The following XIRP2 variants were observed in gnomAD, a reference collection of about 807,000 sequenced individuals.
The protein encoded by XIRP2 is xin actin binding repeat containing 2.
A neutral mutation model predicts 277.0 loss-of-function variants in XIRP2; 236 were observed. The ratio of observed to expected loss-of-function variants is 0.85; its 90% confidence interval spans 0.77 to 0.95. The LOEUF (loss-of-function observed/expected upper bound fraction) is 0.95. XIRP2 is among the 40% of genes least tolerant of loss of function. The pLI is 0.00. For missense variants in XIRP2, 4,640 were observed against 4,157.5 expected (o/e 1.12, Z -3.19); for synonymous variants, 1,490 against 1,416.5 (o/e 1.05, Z -1.17).
intron 2 of XIRP2, among the ~76,000 whole-genome samples, chr2:166,942,493 C>A (rs560770157): frequency 6.6e-6 from 1 of 152,306 alleles, no homozygotes; most frequent in Non-Finnish European, 1.5e-5. Flanking sequence ...TCCAAGCACA[C>A]AAGTGTTAGT....
intron 2 of XIRP2, among the ~76,000 whole-genome samples, chr2:167,078,559 G>A (rs543503751): frequency 7.9e-5 from 12 of 152,212 alleles, no homozygotes; most frequent in East Asian, 5.8e-4. Context: ...AAAACTGGCC[G>A]GGAGTGGTGG....
At chr2:167,081,483 T>A (rs538463912) in intron 2 of XIRP2, among the ~76,000 whole-genome samples, 1 of 152,244 alleles carries the variant, frequency 6.6e-6, no homozygotes, top group South Asian at 2.1e-4. Context: ...TTTTTTAAGA[T>A]GAAAAATAGA....
intron 2 of XIRP2, among the ~76,000 whole-genome samples, chr2:166,941,847 T>G (rs1051765184): frequency 2.6e-5 from 4 of 152,216 alleles, no homozygotes; most frequent in African/African-American, 9.6e-5. Context: ...CAGAGAATTC[T>G]GACAAATATT....
intron 2 of XIRP2, among the ~76,000 whole-genome samples, chr2:167,087,486 G>C (rs557733224): frequency 0.014 from 2,110 of 152,266 alleles, 36 homozygotes; most frequent in African/African-American, 0.044. Flanking sequence ...CGAGCTTCCC[G>C]GCTGCTTTGT....
In XIRP2 at chr2:167,249,665, C is replaced by T. The variant is rs771239069; in HGVS notation, c.8273C>T (p.Thr2758Ile). The T allele has an allele frequency of 1.2e-6, 2 of 1,613,422 alleles. No homozygotes were observed. Among genetic ancestry groups the T allele is most frequent in the South Asian group, 2.2e-5 (2 of 91,074 alleles). ...YLKTKKTEAS[T>I]ECSHKQSLAE... Reference sequence around the variant, plus strand: ...AAAACCAAGAAAACTGAAGCAAGCACTGAATGTAGTCATAAGCAATCTCTG... The same window carrying T: ...AAAACCAAGAAAACTGAAGCAAGCATTGAATGTAGTCATAAGCAATCTCTG... The change falls in exon 9 of 11, where the codon ACT becomes ATT. Residue 2758 changes from threonine (T) to isoleucine (I), a missense_variant. Coordinates refer to ENST00000409195, the MANE Select transcript of XIRP2 (RefSeq NM_152381.6).
In XIRP2 at chr2:167,249,252, A is replaced by G. The variant is rs1695389264; in HGVS notation, c.7860A>G (p.Ile2620Met). ...PSPGSQSNAR[I>M]LGVCSDNQLS... ...CAGGCTCTCAAAGTAATGCTCGGATACTAGGAGTGTGTTCTGATAACCAAC... is the reference window on the plus strand; with the variant it reads ...CAGGCTCTCAAAGTAATGCTCGGATGCTAGGAGTGTGTTCTGATAACCAAC... Residue 2620 changes from isoleucine to methionine, a missense_variant, in exon 9 of 11, where the codon ATA becomes ATG. By Grantham distance (10) the Ile-to-Met change is conservative. Coordinates refer to ENST00000409195, the MANE Select transcript of XIRP2 (RefSeq NM_152381.6). 3.7e-6 allele frequency: 6 copies of G among 1,613,828 alleles called. No homozygotes were observed. The African/African-American group carries it at 4.0e-5, about 11-fold the overall frequency.
intron 2 of XIRP2, among the ~76,000 whole-genome samples, chr2:166,955,784 T>G (rs192954896): frequency 6.6e-6 from 1 of 151,860 alleles, no homozygotes. Context: ...TGCATTCATT[T>G]AATGTGAAGT....
At chr2:167,146,572 A>G (rs188449248) in intron 3 of XIRP2, among the ~76,000 whole-genome samples, 61 of 152,210 alleles carry the variant, frequency 4.0e-4, no homozygotes, top group Non-Finnish European at 3.7e-4. Context: ...TAATAAATTT[A>G]TGCAAATATG....
At chr2:167,077,597 G>T (rs1217027406) in intron 2 of XIRP2, among the ~76,000 whole-genome samples, 2 of 152,184 alleles carry the variant, frequency 1.3e-5, no homozygotes, top group African/African-American at 4.8e-5. Flanking sequence ...CATAACCCAG[G>T]AAGGTCACTG....
intron 3 of XIRP2, among the ~76,000 whole-genome samples, chr2:167,189,092 C>A (rs1197862994): frequency 1.3e-5 from 2 of 152,172 alleles, no homozygotes; most frequent in African/African-American, 2.4e-5. Context: ...TCAGTTCCAG[C>A]CTCTCCCTTT....
chr2:167,241,943 A>T, intron 8 of XIRP2, 33 bp downstream of exon 8: 1 of 1,572,590 alleles, frequency 6.4e-7, no homozygotes, highest in Non-Finnish European at 8.6e-7. Flanking sequence ...AAACATACTA[A>T]GTGTAAGACC....
At chr2:167,208,453 G>A (rs533429962) in intron 3 of XIRP2, among the ~76,000 whole-genome samples, 5 of 152,158 alleles carry the variant, frequency 3.3e-5, no homozygotes, top group East Asian at 3.9e-4. Flanking sequence ...GACTACAGGC[G>A]CCCGCCACCA....
At chr2:167,188,778 A>G (rs550103775) in intron 3 of XIRP2, among the ~76,000 whole-genome samples, 1 of 152,364 alleles carries the variant, frequency 6.6e-6, no homozygotes, top group East Asian at 1.9e-4. Flanking sequence ...CAAAGTGCCA[A>G]CTGTTTGGGA....
At chr2:167,141,823 T>G (rs1691725568) in intron 3 of XIRP2, among the ~76,000 whole-genome samples, 1 of 152,112 alleles carries the variant, frequency 6.6e-6, no homozygotes, top group South Asian at 2.1e-4. Flanking sequence ...ATCATGCCAC[T>G]GCACTCCAGC....
At position 167,251,799 on chromosome 2, in the gene XIRP2, C is replaced by A; in HGVS notation, c.10407C>A (p.Ile3469=). 1 of 1,613,322 alleles carries A rather than the reference C, an allele frequency of 6.2e-7. No homozygotes were observed. The highest frequency in any genetic ancestry group is 8.5e-7 in the Non-Finnish European group (1 of 1,179,552). Residue 3469 remains isoleucine, a synonymous_variant, in exon 9 of 11, where the codon ATC becomes ATA. Transcript: ENST00000409195. ...TCATTGCTGGACATATTTTAGATAT[C>A]TCTGATTCACCTAAAGAAGTAAGAA... is the stretch of plus-strand genomic sequence containing the variant. ...EDVIAGHILD[I]SDSPKEVRKN... is the part of the protein sequence containing the mutation.
At chr2:167,201,218 GAAAGAAAGAAA>G (rs1559018163) in intron 3 of XIRP2, among the ~76,000 whole-genome samples, 3 of 101,692 alleles carry the variant, frequency 3.0e-5, no homozygotes, top group Non-Finnish European at 5.4e-5. Flanking sequence ...AAGAAAGAAA[GAAAGAAAGAAA>G]GAAAGAAAGA....
intron 3 of XIRP2, among the ~76,000 whole-genome samples, chr2:167,146,831 C>T (rs1017677867): frequency 6.6e-6 from 1 of 151,698 alleles, no homozygotes; most frequent in Non-Finnish European, 1.5e-5. Flanking sequence ...AGTGAAAGTA[C>T]GTAATACGAC....
Position 167,135,890 on chromosome 2 carries a change from C to G in XIRP2, c.409-19C>G. The stretch of plus-strand genomic sequence containing the variant: ...TACTGATAGCTTTTAACATACAACC[C>G]TTTAATGTCTTGTAACAGGAAGTGG... On this transcript the variant is annotated intron_variant, in intron 2 of 10. Transcript: ENST00000409195. 6.3e-7 allele frequency: 1 copy of G among 1,581,808 alleles called. No individual in the cohort carries two copies. The highest frequency in any genetic ancestry group is 8.6e-7 in the Non-Finnish European group (1 of 1,165,234).
At chr2:167,159,710 A>G (rs982445112) in intron 3 of XIRP2, among the ~76,000 whole-genome samples, 11 of 152,182 alleles carry the variant, frequency 7.2e-5, no homozygotes, top group Non-Finnish European at 1.6e-4. Context: ...ACTTACTCAT[A>G]TATTACACCA....
Sources: gnomAD v4.1 joint callset for allele counts (sites outside exome capture counted in the v4.1 genomes callset) on GRCh38, gnomAD v4.1.1 for gene constraint, MANE v1.5 for transcripts, NCBI Gene and HGNC (gene_info 2026-07-23, HGNC 2026-07-21) for gene names.